Variants in MPRIP observed in about 807,000 individuals in gnomAD.
The protein encoded by MPRIP is myosin phosphatase Rho-interacting protein.
Under a neutral mutation model 234.9 loss-of-function variants are expected in MPRIP, and 59 were observed. The ratio of observed to expected loss-of-function variants is 0.25; its 90% CI spans 0.20 to 0.31. The LOEUF (loss-of-function observed/expected upper bound fraction) is 0.31, where lower values mean the gene tolerates loss of function less well. Ranked by LOEUF, MPRIP falls within the 10% of genes least tolerant of loss-of-function variation. The pLI is 1.00. For missense variants in MPRIP, 2,436 were observed against 3,071.0 expected (o/e 0.79, Z 4.89); for synonymous variants, 1,144 against 1,263.9 (o/e 0.91, Z 2.01).
chr17:17,129,379 C>G (rs1169137422), intron 4 of MPRIP, among the ~76,000 whole-genome samples: 1 of 152,190 alleles, frequency 6.6e-6, no homozygotes, highest in African/African-American at 2.4e-5. Flanking sequence ...CCTCTCCTCT[C>G]TTCTTGGGGT....
chr17:17,060,846 G>A (rs758878486), intron 1 of MPRIP, among the ~76,000 whole-genome samples: 69 of 152,306 alleles, frequency 4.5e-4, no homozygotes, highest in Non-Finnish European at 7.3e-4. Context: ...AAGGTAGTTT[G>A]GGTCCACAAC....
intron 9 of MPRIP, among the ~76,000 whole-genome samples, chr17:17,145,172 C>T (rs1281309510): frequency 6.6e-6 from 1 of 152,234 alleles, no homozygotes; most frequent in East Asian, 1.9e-4. Flanking sequence ...GTTCCTTCCT[C>T]ACTCCTCAGA....
rs1463918555 is a variant in MPRIP at position 17,137,946 on chromosome 17, A to G, written c.767A>G (p.Asp256Gly). 3.7e-6 allele frequency: 6 copies of G among 1,611,564 alleles called. No homozygotes were observed. The highest frequency in any genetic ancestry group is 4.5e-5 in the East Asian group (2 of 44,656). ...AGCGCCATGAGTAGCGACCGCATGG[A>G]CTGTGGCCGCAAAGTCCGGGTGGAG... ...EESAMSSDRM[D>G]CGRKVRVESG... is the part of the protein sequence containing the mutation. The change falls in exon 7 of 24, where the codon GAC becomes GGC. Residue 256 changes from aspartate (D) to glycine (G), a missense_variant. Asp to Gly is a moderately conservative substitution (Grantham distance 94). This residue lies in a region of MPRIP where 267 missense variants were observed against 252.7 expected (regional missense o/e 1.06). Coordinates refer to ENST00000651222, the MANE Select transcript of MPRIP (RefSeq NM_001364716.4).
intron 3 of MPRIP, 92 bp from the exon 4 acceptor site, chr17:17,126,610 C>T (rs1567732413): frequency 2.1e-6 from 3 of 1,421,636 alleles, no homozygotes; most frequent in Non-Finnish European, 2.8e-6. Context: ...AGAGGCCCCA[C>T]AGGCTGGGAG....
rs138383737 is a variant in MPRIP at position 17,114,355 on chromosome 17, T to G, written c.268-12347T>G. Among the ~76,000 whole-genome samples, 12 of 152,324 alleles carry G rather than the reference T, an allele frequency of 7.9e-5. No homozygotes were observed. The East Asian group carries it at 2.3e-3, about 29-fold the overall frequency. ...ATGATTTGCAAGTATTCCCTTCCCT[T>G]CCCTAGGTTGCCTTTTCGCTCTCTT... is the stretch of plus-strand genomic sequence containing the variant. On this transcript the variant is annotated intron_variant, in intron 3 of 23. Coordinates refer to ENST00000651222, the MANE Select transcript of MPRIP (RefSeq NM_001364716.4).
intron 5 of MPRIP, among the ~76,000 whole-genome samples, chr17:17,134,909 C>T (rs2090664724): frequency 1.3e-5 from 2 of 152,254 alleles, no homozygotes; most frequent in South Asian, 4.1e-4. Flanking sequence ...TGCGCACATA[C>T]ATGCATATAA....
At chr17:17,083,675 T>C (rs1470891795) in intron 3 of MPRIP, among the ~76,000 whole-genome samples, 2 of 152,248 alleles carry the variant, frequency 1.3e-5, no homozygotes, top group Admixed American at 1.3e-4. Context: ...CATCAGAATC[T>C]GCAGGGCGAG....
intron 4 of MPRIP, among the ~76,000 whole-genome samples, chr17:17,130,198 C>T (rs1286810169): frequency 6.6e-6 from 1 of 152,124 alleles, no homozygotes; most frequent in Non-Finnish European, 1.5e-5. Flanking sequence ...CTGAGGGTGG[C>T]CCCTCAGCTC....
At chr17:17,125,123 C>T (rs970118904) in intron 3 of MPRIP, among the ~76,000 whole-genome samples, 7 of 152,234 alleles carry the variant, frequency 4.6e-5, no homozygotes, top group African/African-American at 1.2e-4. Context: ...TTTCCTGGCT[C>T]CTTCTCAAGG....
At chr17:17,126,403 C>T (rs2090490775) in intron 3 of MPRIP, among the ~76,000 whole-genome samples, 1 of 152,182 alleles carries the variant, frequency 6.6e-6, no homozygotes, top group Non-Finnish European at 1.5e-5. Context: ...ACCAGGATCT[C>T]AGCTGCCCCT....
Position 17,176,500 on chromosome 17 carries a change from G to C in MPRIP, c.6945G>C (p.Gln2315His). ...QEISSLKDELQTALRDKKYAS... is the reference protein window; with the variant it reads ...QEISSLKDELHTALRDKKYAS... The stretch of plus-strand genomic sequence containing the variant: ...TTAGCTCCCTCAAGGATGAGCTGCA[G>C]ACGGCACTGCGGGTAAGGCCACCGC... Residue 2315 changes from glutamine to histidine, a missense_variant, in exon 21 of 24, where the codon CAG becomes CAC. Gln to His is a conservative substitution (Grantham distance 24). Transcript: ENST00000651222. 6.2e-7 allele frequency: 1 copy of C among 1,613,990 alleles called. No homozygotes were observed. The highest frequency in any genetic ancestry group is 8.5e-7 in the Non-Finnish European group (1 of 1,179,906).
At chr17:17,135,987 C>T (rs961688036) in intron 5 of MPRIP, among the ~76,000 whole-genome samples, 1 of 152,234 alleles carries the variant, frequency 6.6e-6, no homozygotes, top group Non-Finnish European at 1.5e-5. Flanking sequence ...GGTGTGTTCT[C>T]TTTCCTTACT....
chr17:17,071,371 G>A (rs2089190149), intron 1 of MPRIP, among the ~76,000 whole-genome samples: 1 of 152,106 alleles, frequency 6.6e-6, no homozygotes, highest in Admixed American at 6.5e-5. Context: ...AGTTTCTCCA[G>A]TACCCACTCT....
chr17:17,111,846 C>T (rs1193873877), intron 3 of MPRIP, among the ~76,000 whole-genome samples: 3 of 152,130 alleles, frequency 2.0e-5, no homozygotes, highest in Non-Finnish European at 4.4e-5. Context: ...ACTCTCTGTT[C>T]CCAGGAGGCC....
chr17:17,168,022 G>A, intron 16 of MPRIP, 107 bp downstream of exon 16: 1 of 891,340 alleles, frequency 1.1e-6, no homozygotes, highest in Admixed American at 2.9e-5. Flanking sequence ...GGGATATGCT[G>A]CTGTCCCTCT....
intron 3 of MPRIP, among the ~76,000 whole-genome samples, chr17:17,103,093 C>G (rs1483218958): frequency 6.6e-6 from 1 of 152,212 alleles, no homozygotes; most frequent in African/African-American, 2.4e-5. Flanking sequence ...GGCCTTGTCT[C>G]CCTTGAGGCA....
At position 17,154,433 on chromosome 17, in the gene MPRIP, C is replaced by G; in HGVS notation, c.1829+18C>G. The G allele has an allele frequency of 2.5e-6, 4 of 1,609,018 alleles. No individual in the cohort carries two copies. The highest frequency in any genetic ancestry group is 2.6e-6 in the Non-Finnish European group (3 of 1,175,424). ...GTGACCAGGTAGGATGGTGAAGACACCAGGGAGCCCTTTGTGCCTCTTGTG... is the reference window on the plus strand; with the variant it reads ...GTGACCAGGTAGGATGGTGAAGACAGCAGGGAGCCCTTTGTGCCTCTTGTG... On this transcript the variant is annotated intron_variant, in intron 13 of 23. Transcript: ENST00000651222.
intron 1 of MPRIP, among the ~76,000 whole-genome samples, chr17:17,059,048 T>C (rs577686196): frequency 6.6e-6 from 1 of 152,370 alleles, no homozygotes; most frequent in African/African-American, 2.4e-5. Flanking sequence ...GTATTTCTTG[T>C]ATTAGAAGTT....
chr17:17,149,317 AC>A (rs2045546231), intron 11 of MPRIP, among the ~76,000 whole-genome samples: 1 of 152,178 alleles, frequency 6.6e-6, no homozygotes, highest in African/African-American at 2.4e-5. Flanking sequence ...ACATGGTGAA[AC>A]CCTGTCTCTA....
Sources: gnomAD v4.1 joint callset for allele counts (sites outside exome capture counted in the v4.1 genomes callset) on GRCh38, gnomAD v4.1.1 for gene constraint, gnomAD v4.1.1 regional missense constraint, MANE v1.5 for transcripts, NCBI Gene and HGNC (gene_info 2026-07-23, HGNC 2026-07-21) for gene names.